KSR2: variants seen among roughly 807,000 people sequenced by gnomAD.
KSR2 encodes kinase suppressor of ras 2.
A neutral mutation model predicts 107.8 loss-of-function variants in KSR2; 25 were observed. The observed-to-expected ratio is 0.23, with a 90% confidence interval of 0.17 to 0.32. KSR2 has a LOEUF of 0.32. Among genes scored for constraint, KSR2 ranks in the 10% least tolerant of loss-of-function variants. The probability of loss-of-function intolerance (pLI) is 1.00; values close to 1 mark genes in which losing one functional copy is unlikely to be tolerated. For missense variants in KSR2, 887 were observed against 1,268.9 expected (o/e 0.70, Z 4.57); for synonymous variants, 480 against 507.0 (o/e 0.95, Z 0.71).
chr12:117,551,792 T>C lies in KSR2; in HGVS notation c.1518+3377A>G, dbSNP rs114557220. The stretch of plus-strand genomic sequence containing the variant: ...TAACGCAGCCCTATGATAGATCTTG[T>C]CCACCTTCATGTCAAAGCTGCTTTC... On this transcript the variant is annotated intron_variant, in intron 9 of 19. Transcript: ENST00000339824. Among the ~76,000 whole-genome samples the C allele has an allele frequency of 6.0e-3, 913 of 152,272 alleles. 7 individuals carry two copies. Among genetic ancestry groups the C allele is most frequent in the African/African-American group, 0.021 (874 of 41,556 alleles).
chr12:117,739,228 G>A (rs539690945), intron 4 of KSR2, among the ~76,000 whole-genome samples: 68 of 152,050 alleles, frequency 4.5e-4, no homozygotes, highest in African/African-American at 1.5e-3. Context: ...GGTAGCGGGC[G>A]CCTGTAGTCC....
chr12:117,637,277 C>T (rs78568212), intron 5 of KSR2, among the ~76,000 whole-genome samples: 1,979 of 152,304 alleles, frequency 0.013, 43 homozygotes, highest in African/African-American at 0.046. Flanking sequence ...TTTTGACACT[C>T]ATCCCCACCT....
At chr12:117,686,057 T>C (rs1269551103) in intron 4 of KSR2, among the ~76,000 whole-genome samples, 3 of 151,942 alleles carry the variant, frequency 2.0e-5, no homozygotes, top group Non-Finnish European at 4.4e-5. Flanking sequence ...TCCTTTTTTT[T>C]TCTTTTTTTG....
chr12:117,515,145 C>T (rs1028559609), intron 14 of KSR2, among the ~76,000 whole-genome samples: 5 of 152,208 alleles, frequency 3.3e-5, no homozygotes, highest in African/African-American at 1.2e-4. Flanking sequence ...ATGCCTTCCT[C>T]TCTCTATTTC....
intron 9 of KSR2, among the ~76,000 whole-genome samples, chr12:117,549,129 G>A (rs959574114): frequency 2.6e-5 from 4 of 152,254 alleles, no homozygotes; most frequent in Non-Finnish European, 5.9e-5. Flanking sequence ...GGAAGCCTTC[G>A]CACTCTATCT....
intron 1 of KSR2, among the ~76,000 whole-genome samples, chr12:117,961,338 C>A (rs1043304035): frequency 1.3e-5 from 2 of 152,166 alleles, no homozygotes; most frequent in African/African-American, 4.8e-5. Context: ...ACCAAGAACA[C>A]CCTCCTTGGA....
At chr12:117,612,594 G>A (rs1593050750) in intron 5 of KSR2, among the ~76,000 whole-genome samples, 1 of 152,064 alleles carries the variant, frequency 6.6e-6, no homozygotes, top group African/African-American at 2.4e-5. Context: ...AAGCAACCCA[G>A]AAGGTTGCTA....
intron 14 of KSR2, among the ~76,000 whole-genome samples, chr12:117,499,765 A>AT (rs895349816): frequency 1.6e-4 from 24 of 150,788 alleles, no homozygotes; most frequent in South Asian, 8.4e-4. Flanking sequence ...TTACTGTTCA[A>AT]TTTTTTTTTT....
At chr12:117,533,555 C>A (rs571502244) in intron 10 of KSR2, among the ~76,000 whole-genome samples, 1 of 152,244 alleles carries the variant, frequency 6.6e-6, no homozygotes, top group Non-Finnish European at 1.5e-5. Flanking sequence ...GAAAATCACC[C>A]TCCATGACTT....
intron 3 of KSR2, among the ~76,000 whole-genome samples, chr12:117,802,570 G>A (rs965791627): frequency 3.9e-5 from 6 of 152,118 alleles, no homozygotes; most frequent in Non-Finnish European, 8.8e-5. Flanking sequence ...CTGTAAAATG[G>A]GGCTAATAAT....
At chr12:117,759,153 C>T (rs1381968042) in intron 4 of KSR2, among the ~76,000 whole-genome samples, 1 of 152,180 alleles carries the variant, frequency 6.6e-6, no homozygotes, top group Non-Finnish European at 1.5e-5. Context: ...TCACATGTTC[C>T]ACGTCAATCA....
chr12:117,524,023 C>T (rs543616103), intron 14 of KSR2, among the ~76,000 whole-genome samples: 36 of 152,240 alleles, frequency 2.4e-4, no homozygotes, highest in African/African-American at 8.2e-4. Context: ...GCCCATGGGA[C>T]AAATACAGCC....
At chr12:117,835,636 G>C (rs954641577) in intron 3 of KSR2, among the ~76,000 whole-genome samples, 1 of 152,050 alleles carries the variant, frequency 6.6e-6, no homozygotes, top group Non-Finnish European at 1.5e-5. Context: ...TTTGCCGCAG[G>C]GGACATTTGA....
intron 5 of KSR2, among the ~76,000 whole-genome samples, chr12:117,593,364 A>T (rs1399871331): frequency 6.6e-6 from 1 of 152,244 alleles, no homozygotes; most frequent in Non-Finnish European, 1.5e-5. Flanking sequence ...AACCAACAGA[A>T]ACAGCAGTAG....
At chr12:117,476,713 A>T (rs1871805619) in intron 16 of KSR2, 118 bp from the exon 17 acceptor site, 2 of 1,123,542 alleles carry the variant, frequency 1.8e-6, no homozygotes. Context: ...TCCCACATTG[A>T]GCACTGCCTG....
At chr12:117,885,969 G>A (rs531296735) in intron 1 of KSR2, among the ~76,000 whole-genome samples, 58 of 151,980 alleles carry the variant, frequency 3.8e-4, no homozygotes, top group African/African-American at 1.3e-3. Context: ...GGTGGCGGAC[G>A]CCTGTAGCCC....
At chr12:117,514,471 A>G (rs1011432185) in intron 14 of KSR2, among the ~76,000 whole-genome samples, 3 of 151,566 alleles carry the variant, frequency 2.0e-5, no homozygotes, top group Admixed American at 2.0e-4. Context: ...TGCCTTTGGG[A>G]GAAAGGTTCA....
Position 117,923,554 on chromosome 12 carries a change from A to C in KSR2, c.180+44522T>G, listed in dbSNP as rs976484663. Among the ~76,000 whole-genome samples the C allele has an allele frequency of 2.6e-5, 4 of 152,134 alleles. No homozygotes were observed. The South Asian group carries it at 8.3e-4, about 32-fold the overall frequency. ...GTGGCACATGCCAGCAGTCCCAACTACTCAGGAGGCTGAGGTGGGAGGATC... is the reference window on the plus strand; with the variant it reads ...GTGGCACATGCCAGCAGTCCCAACTCCTCAGGAGGCTGAGGTGGGAGGATC... On this transcript the variant is annotated intron_variant, in intron 1 of 19. Coordinates refer to ENST00000339824, the MANE Select transcript of KSR2 (RefSeq NM_173598.6).
chr12:117,737,327 A>C (rs977902167), intron 4 of KSR2, among the ~76,000 whole-genome samples: 1 of 152,098 alleles, frequency 6.6e-6, no homozygotes, highest in African/African-American at 2.4e-5. Context: ...GAGTATGTTT[A>C]TGTAAGATTA....
Sources: gnomAD v4.1 joint callset for allele counts (sites outside exome capture counted in the v4.1 genomes callset) on GRCh38, gnomAD v4.1.1 for gene constraint, MANE v1.5 for transcripts, NCBI Gene and HGNC (gene_info 2026-07-23, HGNC 2026-07-21) for gene names.